CLRN1: variants seen among roughly 807,000 people sequenced by gnomAD.
CLRN1 encodes clarin-1.
CLRN1 carries 15 observed loss-of-function variants against 18.7 expected under a neutral mutation model. That is an observed-to-expected ratio of 0.80 (90% CI 0.54 to 1.23). CLRN1 has a LOEUF of 1.23. Among genes scored for constraint, CLRN1 ranks in the 50% most tolerant of loss-of-function variants. The pLI is 0.00. For synonymous variants in CLRN1, 104 were observed against 102.9 expected (o/e 1.01, Z -0.07); for missense variants, 311 against 277.5 (o/e 1.12, Z -0.86).
chr3:150,969,565 C>G (rs1715436534), intron 1 of CLRN1, among the ~76,000 whole-genome samples: 1 of 151,660 alleles, frequency 6.6e-6, no homozygotes, highest in Non-Finnish European at 1.5e-5. Flanking sequence ...GACCCTGTGT[C>G]CTCCCAAAGT....
chr3:150,970,020 T>C (rs930839272), intron 1 of CLRN1, among the ~76,000 whole-genome samples: 3 of 152,208 alleles, frequency 2.0e-5, no homozygotes, highest in African/African-American at 7.2e-5. Context: ...GTTTGCTTAA[T>C]AACTTTCTAA....
rs1715597854 is a variant in CLRN1, at chr3:150,972,573, G to A, written c.136C>T (p.Leu46Phe). The A allele has an allele frequency of 1.9e-6, 3 of 1,614,194 alleles. No homozygotes were observed. The highest frequency in any genetic ancestry group is 2.2e-5 in the East Asian group (1 of 44,892). ...AGCTCCTGCCCTGAGGCATTGACGA[G>A]CAGAGCTCCCGTTTTGCAGAGGACA... is the stretch of plus-strand genomic sequence containing the variant. ...ATVLCKTGAL[L>F]VNASGQELDK... Residue 46 changes from leucine (L) to phenylalanine (F), a missense_variant, in exon 1 of 3, where the codon CTC becomes TTC. Coordinates refer to ENST00000327047, the MANE Select transcript of CLRN1 (RefSeq NM_174878.3).
In CLRN1 at chr3:150,927,409, G is replaced by C. The variant is rs1212368070; in HGVS notation, c.*527C>G. 3 of 448,636 alleles carry C rather than the reference G, an allele frequency of 6.7e-6. No homozygotes were observed. The highest frequency in any genetic ancestry group is 4.8e-5 in the South Asian group (3 of 62,754). The allele number at this position is 448,636 out of a possible 1,614,324, so 27.8% of individuals were successfully genotyped here. A position where few individuals can be genotyped will look rare whatever the true frequency, so the allele number is the denominator to read the frequency against. The stretch of plus-strand genomic sequence containing the variant: ...TGAAGTGCTGGAATTACAGGTGTGA[G>C]TCACCACGCCTGGCCTAAGAGTATA... On this transcript the variant is annotated 3_prime_UTR_variant, in exon 3 of 3. Coordinates refer to ENST00000327047, the MANE Select transcript of CLRN1 (RefSeq NM_174878.3).
chr3:150,941,154 A>G (rs1391302890), intron 2 of CLRN1, among the ~76,000 whole-genome samples: 9 of 114,830 alleles, frequency 7.8e-5, no homozygotes, highest in African/African-American at 2.5e-4. Flanking sequence ...CTATCTATCT[A>G]TCTATCTATC....
chr3:150,948,940 A>T (rs529726798), intron 1 of CLRN1, among the ~76,000 whole-genome samples: 2 of 152,324 alleles, frequency 1.3e-5, no homozygotes, highest in South Asian at 4.1e-4. Flanking sequence ...CGTGATGAAC[A>T]TCAATGCAAA....
intron 1 of CLRN1, among the ~76,000 whole-genome samples, chr3:150,946,502 A>T (rs911878934): frequency 2.7e-5 from 4 of 146,570 alleles, no homozygotes; most frequent in Middle Eastern, 3.2e-3. Context: ...TTTGTACTAA[A>T]TTTTTTTTTT....
intron 1 of CLRN1, among the ~76,000 whole-genome samples, chr3:150,952,158 G>A (rs866378070): frequency 3.3e-5 from 5 of 152,152 alleles, no homozygotes; most frequent in Admixed American, 6.5e-5. Context: ...CGTCTTATAG[G>A]ATGGATCCCA....
In CLRN1 at chr3:150,934,017, G is replaced by A. The variant is rs554654297; in HGVS notation, c.434-5816C>T. Among the ~76,000 whole-genome samples the A allele has an allele frequency of 4.5e-4, 69 of 152,242 alleles. No individual in the cohort carries two copies. The South Asian group carries it at 0.012, about 27-fold the overall frequency. On this transcript the variant is annotated intron_variant, in intron 2 of 2. Coordinates refer to ENST00000327047, the MANE Select transcript of CLRN1 (RefSeq NM_174878.3). Reference sequence around the variant, plus strand: ...TCCTTTATTCTTCCTCAGGCTCTGCGGCTTTGATGACTGGACATCCCTGTG... The same window carrying A: ...TCCTTTATTCTTCCTCAGGCTCTGCAGCTTTGATGACTGGACATCCCTGTG...
chr3:150,954,523 A>T (rs567099576), intron 1 of CLRN1, among the ~76,000 whole-genome samples: 1 of 152,320 alleles, frequency 6.6e-6, no homozygotes, highest in Admixed American at 6.5e-5. Flanking sequence ...CAAACCCTTT[A>T]TCAGATAAGA....
rs934451230 is a variant in CLRN1, at chr3:150,953,807, C to T, written c.254-12046G>A. 2.0e-5 allele frequency among the ~76,000 whole-genome samples: 3 copies of T among 152,298 alleles called. No homozygotes were observed. The Middle Eastern group carries it at 0.01, about 518-fold the overall frequency. On this transcript the variant is annotated intron_variant, in intron 1 of 2. Coordinates refer to ENST00000327047, the MANE Select transcript of CLRN1 (RefSeq NM_174878.3). Reference sequence around the variant, plus strand: ...TGCTGGGATTACAGGTGTGAGTCACCACACCCGGCCAAGTACTTTATATAT... The same window carrying T: ...TGCTGGGATTACAGGTGTGAGTCACTACACCCGGCCAAGTACTTTATATAT...
intron 1 of CLRN1, among the ~76,000 whole-genome samples, chr3:150,969,313 ATTTTTTTTTTTTT>A (rs1196979915): frequency 9.2e-5 from 4 of 43,544 alleles, no homozygotes; most frequent in Non-Finnish European, 1.5e-4. Flanking sequence ...ATATATATAT[ATTTTTTTTTTTTT>A]TTTTTTTTTT....
At chr3:150,953,249 T>G (rs1429104918) in intron 1 of CLRN1, among the ~76,000 whole-genome samples, 1 of 152,226 alleles carries the variant, frequency 6.6e-6, no homozygotes, top group African/African-American at 2.4e-5. Flanking sequence ...GATTAGCTAT[T>G]GACAAGTGAA....
At chr3:150,948,467 G>A (rs1403469308) in intron 1 of CLRN1, among the ~76,000 whole-genome samples, 19 of 110,310 alleles carry the variant, frequency 1.7e-4, no homozygotes, top group Admixed American at 9.7e-4. Context: ...CTGGGCGACA[G>A]AGCGAGACTC....
chr3:150,945,384 T>A, intron 1 of CLRN1: 1 of 470,724 alleles, frequency 2.1e-6, no homozygotes, highest in Non-Finnish European at 3.1e-6. Flanking sequence ...GAGTAAGTAG[T>A]CATCTGTACA....
intron 1 of CLRN1, among the ~76,000 whole-genome samples, chr3:150,954,669 A>G (rs767089699): frequency 6.6e-6 from 1 of 152,236 alleles, no homozygotes; most frequent in Non-Finnish European, 1.5e-5. Flanking sequence ...GTCAAATCTA[A>G]GAAGTCTTTG....
At chr3:150,962,632 T>C (rs1715090323) in intron 1 of CLRN1, among the ~76,000 whole-genome samples, 1 of 152,212 alleles carries the variant, frequency 6.6e-6, no homozygotes, top group African/African-American at 2.4e-5. Flanking sequence ...ATTTTGTTAA[T>C]TGCTGTGGTG....
Position 150,972,535 on chromosome 3 carries a change from C to T in CLRN1, c.174G>A (p.Met58Ile), listed in dbSNP as rs1187375538. ...GGAAAAGCCCGTACTGCATTTCACC[C>T]ATAAACTTGTCCAGCTCCTGCCCTG... ...NASGQELDKF[M>I]GEMQYGLFHG... The change falls in exon 1 of 3, where the codon ATG (methionine) becomes ATA (isoleucine). Residue 58 changes from methionine to isoleucine, a missense_variant. Met to Ile is a conservative substitution (Grantham distance 10). Transcript: ENST00000327047. The T allele has an allele frequency of 1.2e-6, 2 of 1,614,236 alleles. No homozygotes were observed. The highest frequency in any genetic ancestry group is 1.3e-5 in the African/African-American group (1 of 75,050).
At chr3:150,945,581 A>G in intron 1 of CLRN1, 1 of 1,286,872 alleles carries the variant, frequency 7.8e-7, no homozygotes, top group Non-Finnish European at 1.0e-6. Context: ...GTAAATACAG[A>G]GGTGTTTGGA....
At chr3:150,939,302 A>G (rs1407288684) in intron 2 of CLRN1, among the ~76,000 whole-genome samples, 1 of 152,142 alleles carries the variant, frequency 6.6e-6, no homozygotes. Flanking sequence ...GAAACCCCTC[A>G]TGGTGTCCCA....
Sources: gnomAD v4.1 joint callset for allele counts (sites outside exome capture counted in the v4.1 genomes callset) on GRCh38, gnomAD v4.1.1 for gene constraint, MANE v1.5 for transcripts, NCBI Gene and HGNC (gene_info 2026-07-23, HGNC 2026-07-21) for gene names.